The following CRACD variants were observed in gnomAD, a reference collection of about 807,000 sequenced individuals.
The protein encoded by CRACD is capping protein inhibiting regulator of actin dynamics.
Under a neutral mutation model 106.8 loss-of-function variants are expected in CRACD, and 56 were observed. That is an observed-to-expected ratio of 0.52 (90% CI 0.42 to 0.66). CRACD has a LOEUF of 0.66. Ranked by LOEUF, CRACD falls within the 30% of genes least tolerant of loss-of-function variation. The pLI is 0.00. For synonymous variants in CRACD, 754 were observed against 670.8 expected (o/e 1.12, Z -1.92); for missense variants, 1,730 against 1,623.2 (o/e 1.07, Z -1.13).
At chr4:56,317,675 C>T (rs959769264) in intron 8 of CRACD, among the ~76,000 whole-genome samples, 6 of 152,036 alleles carry the variant, frequency 3.9e-5, no homozygotes, top group African/African-American at 1.4e-4. Flanking sequence ...ACCTATGGAT[C>T]CTCTCTATGG....
At chr4:56,326,299 T>C (rs1241324397) in intron 10 of CRACD, among the ~76,000 whole-genome samples, 1 of 152,140 alleles carries the variant, frequency 6.6e-6, no homozygotes, top group Admixed American at 6.5e-5. Flanking sequence ...ATTTTACTTA[T>C]AGGAATTAAG....
chr4:56,316,751 A>ACACC, intron 8 of CRACD, 62 bp downstream of exon 8: 2 of 1,423,258 alleles, frequency 1.4e-6, no homozygotes, highest in South Asian at 1.5e-5. Context: ...GGCATCAAGA[A>ACACC]GAGATCCACA....
intron 4 of CRACD, among the ~76,000 whole-genome samples, chr4:56,305,952 GC>G (rs1744667961): frequency 6.6e-6 from 1 of 152,210 alleles, no homozygotes; most frequent in Non-Finnish European, 1.5e-5. Flanking sequence ...CTTTATTTCT[GC>G]CCCTGGAAGA....
chr4:56,185,117 C>T lies in CRACD; in HGVS notation c.-189+5687C>T, dbSNP rs528560432. On this transcript the variant is annotated intron_variant, in intron 2 of 10. Transcript: ENST00000682029. ...GACCACAGGCGCCCACCACCACGCC[C>T]GGCTAATTTTTTTATATTTTTAGTA... is the stretch of plus-strand genomic sequence containing the variant. Among the ~76,000 whole-genome samples, 307 of 152,232 alleles carry T rather than the reference C, an allele frequency of 2.0e-3. 7 individuals are homozygous for T. Among genetic ancestry groups the T allele is most frequent in the Middle Eastern group, 3.4e-3 (1 of 294 alleles).
intron 1 of CRACD, among the ~76,000 whole-genome samples, chr4:56,083,657 C>T (rs1218550305): frequency 6.6e-6 from 1 of 151,982 alleles, no homozygotes; most frequent in African/African-American, 2.4e-5. Flanking sequence ...TGTTAATTTT[C>T]TTAAAATTGG....
chr4:56,256,524 A>G (rs1741368136), intron 2 of CRACD, among the ~76,000 whole-genome samples: 1 of 152,238 alleles, frequency 6.6e-6, no homozygotes, highest in African/African-American at 2.4e-5. Context: ...CTGAATGCTT[A>G]ACCATGGGCC....
At chr4:56,212,482 C>T (rs186781850) in intron 2 of CRACD, among the ~76,000 whole-genome samples, 308 of 152,322 alleles carry the variant, frequency 2.0e-3, no homozygotes, top group East Asian at 4.6e-3. Flanking sequence ...ACTCTGTGGA[C>T]GTGCCCTGAG....
At chr4:56,300,881 A>T (rs575074830) in intron 4 of CRACD, among the ~76,000 whole-genome samples, 1 of 152,352 alleles carries the variant, frequency 6.6e-6, no homozygotes, top group African/African-American at 2.4e-5. Flanking sequence ...GATTTTAAAT[A>T]ACCTGATGTC....
chr4:56,156,296 T>C (rs1237836395), intron 1 of CRACD, among the ~76,000 whole-genome samples: 1 of 152,206 alleles, frequency 6.6e-6, no homozygotes, highest in African/African-American at 2.4e-5. Context: ...ACTCACTGTC[T>C]TCAAGGTGCA....
chr4:56,155,055 G>A (rs1390935231), intron 1 of CRACD, among the ~76,000 whole-genome samples: 1 of 151,996 alleles, frequency 6.6e-6, no homozygotes, highest in African/African-American at 2.4e-5. Flanking sequence ...CATCATAGCA[G>A]CCCTTTTAGT....
At position 56,327,674 on chromosome 4, in the gene CRACD, C is replaced by T. The variant is rs773850855; in HGVS notation, c.3572C>T (p.Pro1191Leu). Residue 1191 changes from proline to leucine, a missense_variant, in exon 11 of 11, where the codon CCG becomes CTG. By Grantham distance (98) the Pro-to-Leu change is moderately conservative. Transcript: ENST00000682029. ...VEISDSAPPAPLVKEVTKRFS... is the reference protein window; with the variant it reads ...VEISDSAPPALLVKEVTKRFS... Reference sequence around the variant, plus strand: ...ATCTCCGACTCGGCTCCCCCAGCGCCGCTGGTAAAAGAAGTCACCAAGAGG... The same window carrying T: ...ATCTCCGACTCGGCTCCCCCAGCGCTGCTGGTAAAAGAAGTCACCAAGAGG... 20 of 1,607,996 alleles carry T rather than the reference C, an allele frequency of 1.2e-5. No individual in the cohort carries two copies. Among genetic ancestry groups the T allele is most frequent in the East Asian group, 4.5e-5 (2 of 44,534 alleles).
At chr4:56,318,028 G>A (rs1686295610) in intron 8 of CRACD, among the ~76,000 whole-genome samples, 1 of 152,146 alleles carries the variant, frequency 6.6e-6, no homozygotes, top group East Asian at 1.9e-4. Context: ...TCTTAGGAGG[G>A]ATTGTTTTCT....
intron 3 of CRACD, among the ~76,000 whole-genome samples, chr4:56,281,274 G>A (rs1157725635): frequency 3.3e-5 from 5 of 152,140 alleles, no homozygotes; most frequent in African/African-American, 1.2e-4. Flanking sequence ...AGGGATCTAG[G>A]TGGCGTGCTT....
intron 1 of CRACD, among the ~76,000 whole-genome samples, chr4:56,161,538 G>A (rs1053107896): frequency 1.6e-4 from 25 of 151,684 alleles, no homozygotes; most frequent in African/African-American, 4.4e-4. Flanking sequence ...TGTAGCCTCC[G>A]CCTCCTGGGC....
At chr4:56,292,669 C>T (rs557183929) in intron 3 of CRACD, among the ~76,000 whole-genome samples, 7 of 152,166 alleles carry the variant, frequency 4.6e-5, no homozygotes, top group South Asian at 2.1e-4. Context: ...GGACTACAGG[C>T]GCCTGCCACC....
chr4:56,234,916 A>G (rs1739872320), intron 2 of CRACD, among the ~76,000 whole-genome samples: 1 of 152,196 alleles, frequency 6.6e-6, no homozygotes, highest in Non-Finnish European at 1.5e-5. Flanking sequence ...AAGCCAAGGG[A>G]ACTGATTTTC....
chr4:56,089,803 G>A (rs1246943311), intron 1 of CRACD, among the ~76,000 whole-genome samples: 3 of 152,040 alleles, frequency 2.0e-5, no homozygotes, highest in Non-Finnish European at 2.9e-5. Context: ...ATGAGCCACC[G>A]TGCCTGGCTA....
intron 1 of CRACD, among the ~76,000 whole-genome samples, chr4:56,100,168 G>A (rs892445943): frequency 2.6e-5 from 4 of 152,022 alleles, no homozygotes; most frequent in African/African-American, 4.8e-5. Flanking sequence ...GTTTGAACTC[G>A]GGAAGCGGAG....
chr4:56,091,962 C>T (rs1352517742), intron 1 of CRACD, among the ~76,000 whole-genome samples: 4 of 152,046 alleles, frequency 2.6e-5, no homozygotes, highest in Non-Finnish European at 4.4e-5. Flanking sequence ...ACGGGAGACT[C>T]GCTTGAGGCC....
Sources: gnomAD v4.1 joint callset for allele counts (sites outside exome capture counted in the v4.1 genomes callset) on GRCh38, gnomAD v4.1.1 for gene constraint, MANE v1.5 for transcripts, NCBI Gene and HGNC (gene_info 2026-07-23, HGNC 2026-07-21) for gene names.